The following NDRG4 variants were observed in gnomAD, a reference collection of about 807,000 sequenced individuals.
NDRG4 encodes the protein protein NDRG4.
Under a neutral mutation model 55.8 loss-of-function variants are expected in NDRG4, and 38 were observed. The ratio of observed to expected loss-of-function variants is 0.68; its 90% CI spans 0.53 to 0.89. The LOEUF is 0.89. Among genes scored for constraint, NDRG4 ranks in the 40% least tolerant of loss-of-function variants. NDRG4 has a pLI of 0.00. For synonymous variants in NDRG4, 190 were observed against 182.7 expected (o/e 1.04, Z -0.32); for missense variants, 455 against 468.6 (o/e 0.97, Z 0.27).
intron 13 of NDRG4, 32 bp from the exon 14 acceptor site, chr16:58,510,613 C>T (rs564890461): frequency 2.0e-6 from 3 of 1,533,604 alleles, no homozygotes; most frequent in Non-Finnish European, 2.6e-6. Context: ...CCCCCATCCC[C>T]GCCCCCTCTC....
At chr16:58,495,049 C>A (rs1488168682) in intron 3 of NDRG4, 1 of 1,601,610 alleles carries the variant, frequency 6.2e-7, no homozygotes, top group South Asian at 1.1e-5. Flanking sequence ...GGACTGACAG[C>A]TGGCAGCCCC....
intron 2 of NDRG4, among the ~76,000 whole-genome samples, chr16:58,490,606 T>G (rs2035664439): frequency 6.6e-6 from 1 of 152,190 alleles, no homozygotes; most frequent in South Asian, 2.1e-4. Context: ...TGTGGAGGCT[T>G]CTTCCCTCTT....
At chr16:58,479,029 G>A (rs1460756930) in intron 1 of NDRG4, among the ~76,000 whole-genome samples, 1 of 151,832 alleles carries the variant, frequency 6.6e-6, no homozygotes, top group African/African-American at 2.4e-5. Flanking sequence ...ACATAAATGA[G>A]ATTATTATTA....
At position 58,506,369 on chromosome 16, in the gene NDRG4, T is replaced by TGG; in HGVS notation, c.373-18_373-17insGG. 1 of 1,613,304 alleles carries TGG rather than the reference T, an allele frequency of 6.2e-7. No individual in the cohort carries two copies. The highest frequency in any genetic ancestry group is 1.1e-5 in the South Asian group (1 of 91,058). ...CCCATCCTGGCCCCGCCCGGCCCTG[T>TGG]TTCCCCTCTTACTGCAGCTCATCTT... On this transcript the variant is annotated splice_polypyrimidine_tract_variant and intron_variant, in intron 5 of 14. Coordinates refer to ENST00000570248, the MANE Select transcript of NDRG4 (RefSeq NM_001242835.2).
At chr16:58,476,681 C>G (rs906886357) in intron 1 of NDRG4, among the ~76,000 whole-genome samples, 1 of 152,070 alleles carries the variant, frequency 6.6e-6, no homozygotes, top group Non-Finnish European at 1.5e-5. Context: ...GTAGAGCATC[C>G]TTGATGCTGG....
At chr16:58,481,541 G>A (rs2034403479) in intron 1 of NDRG4, among the ~76,000 whole-genome samples, 1 of 152,132 alleles carries the variant, frequency 6.6e-6, no homozygotes, top group Non-Finnish European at 1.5e-5. Context: ...GGAAAAAGCA[G>A]AACTGGTCAA....
upstream of NDRG4, among the ~76,000 whole-genome samples, chr16:58,496,161 A>G (rs2036382002): frequency 6.6e-6 from 1 of 152,142 alleles, no homozygotes; most frequent in South Asian, 2.1e-4. Context: ...CAGCCCCAGC[A>G]CACAGGCCCA....
rs1196586845 is a variant in NDRG4 at position 58,500,172 on chromosome 16, C to A, written c.-77C>A. The A allele has an allele frequency of 3.9e-6, 6 of 1,535,576 alleles. No individual in the cohort carries two copies. The highest frequency in any genetic ancestry group is 5.2e-6 in the Non-Finnish European group (6 of 1,146,680). ...AGCCGACCATCTCCCACTCGAGCTG[C>A]CCCCGCCCTCTGGACCCGAGTGACT... On this transcript the variant is annotated 5_prime_UTR_variant, in exon 1 of 15. Coordinates refer to ENST00000570248, the MANE Select transcript of NDRG4 (RefSeq NM_001242835.2).
At chr16:58,471,183 T>TATG in intron 1 of NDRG4, among the ~76,000 whole-genome samples, 1 of 145,572 alleles carries the variant, frequency 6.9e-6, no homozygotes, top group Admixed American at 7.0e-5. Flanking sequence ...TGAATGTGTG[T>TATG]TGCTTTTTTT....
At chr16:58,500,020 CA>C, upstream of NDRG4, 1 of 1,252,354 alleles carries the variant, frequency 8.0e-7, no homozygotes, top group South Asian at 1.5e-5. Flanking sequence ...TGTCTCCCAG[CA>C]GCCAATATGG....
chr16:58,467,670 G>T (rs1036264171), intron 1 of NDRG4, among the ~76,000 whole-genome samples: 1 of 152,170 alleles, frequency 6.6e-6, no homozygotes, highest in Non-Finnish European at 1.5e-5. Context: ...GTCCCATATG[G>T]CATTCTAACT....
chr16:58,510,706 G>C, intron 14 of NDRG4, 23 bp downstream of exon 14: 1 of 1,535,204 alleles, frequency 6.5e-7, no homozygotes, highest in African/African-American at 1.4e-5. Context: ...CCCTTCCCCT[G>C]ATGCATGGAC....
chr16:58,468,048 G>C (rs2032048290), intron 1 of NDRG4, among the ~76,000 whole-genome samples: 1 of 152,212 alleles, frequency 6.6e-6, no homozygotes, highest in African/African-American at 2.4e-5. Flanking sequence ...CTGTGAGTCA[G>C]GCATGGCCTC....
At chr16:58,469,767 C>T (rs55941633) in intron 1 of NDRG4, among the ~76,000 whole-genome samples, 40,675 of 152,050 alleles carry the variant, frequency 0.27, 5,466 homozygotes, top group Non-Finnish European at 0.29. Context: ...ATTTGCTGTG[C>T]GCCAGACATA....
At position 58,464,411 on chromosome 16, in the gene NDRG4, G is replaced by C. The variant is rs1479701102; in HGVS notation, c.-24+614G>C. The C allele has an allele frequency of 5.1e-6, 7 of 1,365,930 alleles. No homozygotes were observed. The allele number at this position is 1,365,930 out of a possible 1,614,324, so 84.6% of individuals were successfully genotyped here. On this transcript the variant is annotated intron_variant, in intron 1 of 15. Coordinates refer to the NDRG4 transcript ENST00000258187. This position sits in a 1 kb window ranked among gnomAD's most constrained non-coding sequence, Gnocchi z 4.8. ...TGCCCCGACGCCGCCACCCAGAGCC[G>C]GGCCGCGCCGGGCGCCGAGATGAAG...
At position 58,500,168 on chromosome 16, in the gene NDRG4, G is replaced by T; in HGVS notation, c.-81G>T. 3.9e-6 allele frequency: 6 copies of T among 1,535,790 alleles called. No individual in the cohort carries two copies. The South Asian group carries it at 6.0e-5, about 15-fold the overall frequency. Reference sequence around the variant, plus strand: ...ACAGAGCCGACCATCTCCCACTCGAGCTGCCCCCGCCCTCTGGACCCGAGT... The same window carrying T: ...ACAGAGCCGACCATCTCCCACTCGATCTGCCCCCGCCCTCTGGACCCGAGT... On this transcript the variant is annotated 5_prime_UTR_variant, in exon 1 of 15. Coordinates refer to ENST00000570248, the MANE Select transcript of NDRG4 (RefSeq NM_001242835.2).
At chr16:58,471,186 C>CTTTTTTTTTT in intron 1 of NDRG4, among the ~76,000 whole-genome samples, 1 of 67,070 alleles carries the variant, frequency 1.5e-5, no homozygotes, top group Non-Finnish European at 3.0e-5. Flanking sequence ...ATGTGTGTTG[C>CTTTTTTTTTT]TTTTTTTTTT....
chr16:58,475,496 T>C, intron 1 of NDRG4: 2 of 406,920 alleles, frequency 4.9e-6, no homozygotes, highest in South Asian at 3.6e-5. Flanking sequence ...TTTAGCACGA[T>C]AGGGTGGGTC....
At chr16:58,493,760 G>A (rs1389542090) in intron 2 of NDRG4, among the ~76,000 whole-genome samples, 1 of 152,192 alleles carries the variant, frequency 6.6e-6, no homozygotes, top group African/African-American at 2.4e-5. Flanking sequence ...GCAGACGCAG[G>A]GGAAGGCAAG....
Sources: allele counts gnomAD v4.1 joint callset (sites outside exome capture counted in the v4.1 genomes callset), GRCh38; gene constraint gnomAD v4.1.1; non-coding constraint Gnocchi (gnomAD v3.1); transcripts MANE v1.5; gene names NCBI Gene and HGNC (gene_info 2026-07-23, HGNC 2026-07-21).